The following NAV1 variants were observed in gnomAD, a reference collection of about 807,000 sequenced individuals.
The protein encoded by NAV1 is neuron navigator 1.
A neutral mutation model predicts 175.2 loss-of-function variants in NAV1; 18 were observed. The observed-to-expected ratio is 0.10, with a 90% CI of 0.07 to 0.15. The LOEUF is 0.15. NAV1 is among the 10% of genes least tolerant of loss of function. The probability of loss-of-function intolerance (pLI) is 1.00; values close to 1 mark genes in which losing one functional copy is unlikely to be tolerated. For missense variants in NAV1, 1,731 were observed against 2,436.6 expected, an observed-to-expected ratio of 0.71 and a Z score of 6.10; for synonymous variants, 897 against 978.7, an observed-to-expected ratio of 0.92 and a Z score of 1.56.
At chr1:201,549,139 C>CT (rs1227237149) in intron 1 of NAV1, among the ~76,000 whole-genome samples, 1 of 125,466 alleles carries the variant, frequency 8.0e-6, no homozygotes, top group East Asian at 2.2e-4. Flanking sequence ...TTCTTTCTTT[C>CT]TTTCTTCTTT....
chr1:201,785,939 T>C (rs537597930), intron 8 of NAV1, among the ~76,000 whole-genome samples: 35 of 152,014 alleles, frequency 2.3e-4, no homozygotes, highest in Non-Finnish European at 4.7e-4. Context: ...GTTATAGGTG[T>C]GCACCACCAA....
At chr1:201,602,873 A>C (rs1434803500) in intron 2 of NAV1, among the ~76,000 whole-genome samples, 1 of 151,840 alleles carries the variant, frequency 6.6e-6, no homozygotes, top group Non-Finnish European at 1.5e-5. Context: ...CCATCCTGAC[A>C]AGCCTGGCTC....
At chr1:201,698,353 T>C (rs1220159503) in intron 1 of NAV1, among the ~76,000 whole-genome samples, 2 of 152,248 alleles carry the variant, frequency 1.3e-5, no homozygotes, top group East Asian at 3.8e-4. Context: ...ACCTCTTGGC[T>C]GCAAGCTCCC....
rs545918877 is a variant in NAV1 at position 201,788,490 on chromosome 1, G to A, written c.3018G>A (p.Thr1006=). 39 of 1,613,670 alleles carry A rather than the reference G, an allele frequency of 2.4e-5. No individual in the cohort carries two copies. Among genetic ancestry groups the A allele is most frequent in the Non-Finnish European group, 3.1e-5 (36 of 1,179,952 alleles). ...CAGTGAGTCCCACTGCGGCCACCAC[G>A]CCAAGAATCACCCGCTCCAACAGCA... Residue 1006 remains threonine, a synonymous_variant, in exon 10 of 30, where the codon ACG becomes ACA. Coordinates refer to ENST00000367296, the Ensembl canonical transcript of NAV1. This position sits in a 1 kb window ranked among gnomAD's most constrained non-coding sequence, Gnocchi z 5.7.
intron 3 of NAV1, among the ~76,000 whole-genome samples, chr1:201,760,003 G>A (rs1323036827): frequency 2.6e-5 from 4 of 152,198 alleles, no homozygotes; most frequent in Non-Finnish European, 5.9e-5. Context: ...TCCTGCCCCT[G>A]TGGCTGCTTC....
chr1:201,649,048 C>A (rs1276352354), exon 1 of NAV1: 1 of 1,613,450 alleles, frequency 6.2e-7, no homozygotes, highest in East Asian at 2.2e-5. Flanking sequence ...AAGGTGGGGT[C>A]CAAGGGCCGT....
chr1:201,641,973 T>G (rs1231040989), intron 2 of NAV1, among the ~76,000 whole-genome samples: 1 of 150,676 alleles, frequency 6.6e-6, no homozygotes, highest in Non-Finnish European at 1.5e-5. Flanking sequence ...CCTTTCTCTC[T>G]CTCTCTTTTT....
chr1:201,608,643 T>C (rs566378547), intron 2 of NAV1, among the ~76,000 whole-genome samples: 1 of 152,338 alleles, frequency 6.6e-6, no homozygotes, highest in East Asian at 1.9e-4. Context: ...AGCCTCCTGG[T>C]GTCTGGCAGG....
At chr1:201,795,303 T>G (rs1171803529) in intron 15 of NAV1, 1 of 152,230 alleles carries the variant, frequency 6.6e-6, no homozygotes, top group African/African-American at 2.4e-5. Context: ...TCCATTGACT[T>G]TTCCCCACTC....
intron 2 of NAV1, among the ~76,000 whole-genome samples, chr1:201,604,724 G>GAGAAAGAAAGAA (rs371637628): frequency 4.6e-4 from 66 of 144,194 alleles, no homozygotes; most frequent in African/African-American, 1.6e-3. Flanking sequence ...AGGAAAGAAA[G>GAGAAAGAAAGAA]AGAAAGAAAG....
chr1:201,539,432 A>T lies in NAV1; in HGVS notation c.-144+90A>T, dbSNP rs999602468. Among the ~76,000 whole-genome samples the T allele has an allele frequency of 2.0e-5, 3 of 151,874 alleles. No individual in the cohort carries two copies. In the South Asian group the frequency reaches 6.2e-4, roughly 32 times the overall value. ...CGAGGCTTGGCTGGCAGGTCCTGCG[A>T]GGCCGAGACCAAGTCTCGGGGTAGG... On this transcript the variant is annotated intron_variant, in intron 1 of 33. Coordinates refer to the NAV1 transcript ENST00000685211. This position sits in a 1 kb window ranked among gnomAD's most constrained non-coding sequence, Gnocchi z 5.6.
chr1:201,695,426 TGG>T (rs1422915622), intron 1 of NAV1, among the ~76,000 whole-genome samples: 4 of 152,198 alleles, frequency 2.6e-5, no homozygotes, highest in African/African-American at 9.6e-5. Flanking sequence ...CCAGCCATGC[TGG>T]GTTCTTCCCA....
rs374209809 is a variant in NAV1, at chr1:201,722,356, TTTGTTG to T, written c.1226+3613_1226+3618del. The stretch of plus-strand genomic sequence containing the variant: ...CCCATATAAGTGGAATCATACAGTC[TTTGTTG>T]TTGTTGTTGTTTAATGACTGGCTTA... On this transcript the variant is annotated intron_variant, in intron 3 of 29. Coordinates refer to ENST00000367296, the Ensembl canonical transcript of NAV1. Among the ~76,000 whole-genome samples, 591 of 152,318 alleles carry T rather than the reference TTTGTTG, an allele frequency of 3.9e-3. 3 individuals carry two copies. Among genetic ancestry groups the T allele is most frequent in the African/African-American group, 0.013 (556 of 41,570 alleles).
At chr1:201,558,142 T>A (rs1039802843) in intron 1 of NAV1, among the ~76,000 whole-genome samples, 1 of 152,194 alleles carries the variant, frequency 6.6e-6, no homozygotes, top group African/African-American at 2.4e-5. Flanking sequence ...GAAACTTCAC[T>A]GAAAATAAAC....
chr1:201,706,187 C>T (rs925702628), intron 1 of NAV1, among the ~76,000 whole-genome samples: 3 of 152,130 alleles, frequency 2.0e-5, no homozygotes, highest in African/African-American at 7.2e-5. Context: ...CTGGGCTTCA[C>T]CCTAGGGATC....
intron 3 of NAV1, among the ~76,000 whole-genome samples, chr1:201,763,557 A>G (rs1002861444): frequency 6.6e-6 from 1 of 152,246 alleles, no homozygotes; most frequent in Non-Finnish European, 1.5e-5. Flanking sequence ...CTCTGAAACT[A>G]GAGAAAACTC....
intron 3 of NAV1, among the ~76,000 whole-genome samples, chr1:201,746,202 G>A (rs1189362319): frequency 6.6e-6 from 1 of 152,142 alleles, no homozygotes; most frequent in African/African-American, 2.4e-5. Flanking sequence ...CCAATTATAA[G>A]TTTCTAGGGG....
chr1:201,784,650 G>T (rs1184712798), intron 7 of NAV1, among the ~76,000 whole-genome samples: 5 of 148,776 alleles, frequency 3.4e-5, no homozygotes, highest in Non-Finnish European at 7.4e-5. Flanking sequence ...CAATCCTCCT[G>T]CCTCAGCCTC....
In NAV1 at chr1:201,677,731, G is replaced by A. The variant is rs550592070; in HGVS notation, c.757+28306G>A. Among the ~76,000 whole-genome samples, 16 of 152,226 alleles carry A rather than the reference G, an allele frequency of 1.1e-4. No homozygotes were observed. In the East Asian group the frequency reaches 1.2e-3, roughly 11 times the overall value. On this transcript the variant is annotated intron_variant, in intron 1 of 29. Coordinates refer to ENST00000367296, the Ensembl canonical transcript of NAV1. ...CAACCTTCGCCTCCCAGGCATGGGC[G>A]ACACTCCCACCTCAGCTTCGTGAGT... is the stretch of plus-strand genomic sequence containing the variant.
Sources: allele counts gnomAD v4.1 joint callset (sites outside exome capture counted in the v4.1 genomes callset), GRCh38; gene constraint gnomAD v4.1.1; non-coding constraint Gnocchi (gnomAD v3.1); transcripts MANE v1.5; gene names NCBI Gene and HGNC (gene_info 2026-07-23, HGNC 2026-07-21).